The following TRIO variants were observed in gnomAD, a reference collection of about 807,000 sequenced individuals.
The protein encoded by TRIO is triple functional domain protein.
TRIO carries 58 observed loss-of-function variants against 351.9 expected under a neutral mutation model. That is an observed-to-expected ratio of 0.16 (90% confidence interval 0.13 to 0.21). The LOEUF (loss-of-function observed/expected upper bound fraction) is 0.21, where lower values mean the gene tolerates loss of function less well. TRIO is among the 10% of genes least tolerant of loss of function. TRIO has a pLI of 1.00. For synonymous variants in TRIO, 1,758 were observed against 1,595.7 expected (o/e 1.10, Z -2.42); for missense variants, 3,201 against 4,027.8 (o/e 0.79, Z 5.56).
At chr5:14,488,866 G>A (rs1002407477) in intron 48 of TRIO, 9 of 722,898 alleles carry the variant, frequency 1.2e-5, no homozygotes, top group East Asian at 2.6e-5. Context: ...GGCACCTGGC[G>A]AGGCGGCTCT....
At chr5:14,487,096 G>A (rs1755970380) in intron 47 of TRIO, among the ~76,000 whole-genome samples, 1 of 152,098 alleles carries the variant, frequency 6.6e-6, no homozygotes, top group African/African-American at 2.4e-5. Flanking sequence ...CTATGAAACC[G>A]CCTCCACGGC....
intron 1 of TRIO, among the ~76,000 whole-genome samples, chr5:14,157,428 T>TCTCTCCCTGTCTCC (rs1788165500): frequency 7.0e-6 from 1 of 142,868 alleles, no homozygotes; most frequent in African/African-American, 2.6e-5. Context: ...TGTCTCCCTC[T>TCTCTCCCTGTCTCC]CTCTCCCTGT....
chr5:14,145,238 G>T (rs964754845), intron 1 of TRIO, among the ~76,000 whole-genome samples: 2 of 152,234 alleles, frequency 1.3e-5, no homozygotes, highest in Non-Finnish European at 2.9e-5. Flanking sequence ...GCAGCGGGAG[G>T]GCGATGGTGA....
chr5:14,399,491 G>A (rs1180612744), intron 30 of TRIO: 1 of 201,288 alleles, frequency 5.0e-6, no homozygotes, highest in Non-Finnish European at 9.9e-6. Context: ...AAAAATAAAT[G>A]TATGAAATAT....
intron 1 of TRIO, among the ~76,000 whole-genome samples, chr5:14,176,402 G>A (rs1029682975): frequency 1.1e-4 from 17 of 152,074 alleles, no homozygotes; most frequent in Non-Finnish European, 2.2e-4. Context: ...CCCGGGAGGC[G>A]GAGCTTACAG....
At chr5:14,199,215 A>AC (rs1346924465) in intron 1 of TRIO, among the ~76,000 whole-genome samples, 2 of 149,380 alleles carry the variant, frequency 1.3e-5, no homozygotes, top group Non-Finnish European at 2.9e-5. Flanking sequence ...AAAAAAAAAA[A>AC]AAAACCTCCC....
chr5:14,270,825 G>C lies in TRIO; in HGVS notation c.158G>C (p.Gly53Ala), dbSNP rs1287870854. ...LADIAAFFRS[G>A]FRKNDEMKAM... is the part of the protein sequence containing the mutation. ...TTTATTTTCTCCTTCTGTATTTCAG[G>C]GTTTCGAAAAAACGATGAAATGAAA... is the stretch of plus-strand genomic sequence containing the variant. Residue 53 changes from glycine (G) to alanine (A), a missense_variant and splice_region_variant, in exon 2 of 57, where the codon GGG becomes GCG. Gly to Ala is a moderately conservative substitution (Grantham distance 60). Transcript: ENST00000344204. The C allele has an allele frequency of 5.6e-6, 9 of 1,613,192 alleles. No individual in the cohort carries two copies. The African/African-American group carries it at 1.2e-4, about 22-fold the overall frequency.
At chr5:14,462,705 G>C in intron 35 of TRIO, 50 bp from the exon 36 acceptor site, 1 of 1,606,740 alleles carries the variant, frequency 6.2e-7, no homozygotes, top group Non-Finnish European at 8.5e-7. Flanking sequence ...CTTGGTCCAC[G>C]TCTGTGAACT....
At position 14,508,241 on chromosome 5, in the gene TRIO, G is replaced by A. The variant is rs773355648; in HGVS notation, c.9113G>A (p.Arg3038His). 10 of 1,614,062 alleles carry A rather than the reference G, an allele frequency of 6.2e-6. No homozygotes were observed. The highest frequency in any genetic ancestry group is 8.5e-6 in the Non-Finnish European group (10 of 1,180,042). The change falls in exon 57 of 57, where the codon CGT becomes CAT. Residue 3038 changes from arginine (R) to histidine (H), a missense_variant. Physicochemically the swap from Arg to His is conservative, Grantham distance 29 (BLOSUM62 0). Around this residue, in one of 19 missense-constraint regions of TRIO, gnomAD observed 233 missense variants for 292.6 expected, o/e 0.80. Coordinates refer to ENST00000344204, the MANE Select transcript of TRIO (RefSeq NM_007118.4). The stretch of plus-strand genomic sequence containing the variant: ...CTCCTGCAGGAGGACCCCGCCAAGC[G>A]TCCCTCGGCTGCGCTGGCCCTCCAG... ...CFLLQEDPAK[R>H]PSAALALQEQ...
chr5:14,281,629 G>A (rs1036327689), intron 3 of TRIO, among the ~76,000 whole-genome samples: 2 of 152,160 alleles, frequency 1.3e-5, no homozygotes, highest in Non-Finnish European at 2.9e-5. Flanking sequence ...TGGAATAGGA[G>A]ATTTGGTGTG....
intron 6 of TRIO, among the ~76,000 whole-genome samples, chr5:14,295,569 C>T (rs556277558): frequency 6.6e-6 from 1 of 152,206 alleles, no homozygotes; most frequent in Non-Finnish European, 1.5e-5. Flanking sequence ...TCTCCAGATC[C>T]TAACAGAGTG....
At chr5:14,312,237 G>T (rs1312710212) in intron 8 of TRIO, among the ~76,000 whole-genome samples, 1 of 152,146 alleles carries the variant, frequency 6.6e-6, no homozygotes, top group African/African-American at 2.4e-5. Context: ...ACAAGTCTAT[G>T]TGCAGTTCTG....
chr5:14,218,153 T>A (rs1193190514), intron 1 of TRIO, among the ~76,000 whole-genome samples: 1 of 152,218 alleles, frequency 6.6e-6, no homozygotes, highest in African/African-American at 2.4e-5. Flanking sequence ...CACAAGGGCA[T>A]GTTTTCATCT....
chr5:14,277,240 A>AT (rs1411116747), intron 2 of TRIO, among the ~76,000 whole-genome samples: 1 of 152,266 alleles, frequency 6.6e-6, no homozygotes, highest in Non-Finnish European at 1.5e-5. Flanking sequence ...AGAAGGTAAG[A>AT]AGTGCCTTAG....
At chr5:14,274,775 T>A (rs906577384) in intron 2 of TRIO, among the ~76,000 whole-genome samples, 4 of 152,196 alleles carry the variant, frequency 2.6e-5, no homozygotes, top group African/African-American at 9.6e-5. Flanking sequence ...ATATATGATG[T>A]TTTGATTCAT....
In TRIO at chr5:14,474,050, C is replaced by G; in HGVS notation, c.6036C>G (p.Asp2012Glu). The part of the protein sequence containing the change: ...DGVPDDMKGK[D>E]KIVFGNIHQI... Reference sequence around the variant, plus strand: ...TTCCTGATGACATGAAAGGAAAAGACAAAATTGTGTTCGGCAACATCCATC... The same window carrying G: ...TTCCTGATGACATGAAAGGAAAAGAGAAAATTGTGTTCGGCAACATCCATC... Residue 2012 changes from aspartate to glutamate, a missense_variant, in exon 40 of 57, where the codon GAC becomes GAG. This residue lies in a region of TRIO where 307 missense variants were observed against 396.5 expected (regional missense o/e 0.77). Coordinates refer to ENST00000344204, the MANE Select transcript of TRIO (RefSeq NM_007118.4). The G allele has an allele frequency of 6.2e-7, 1 of 1,613,246 alleles. No individual in the cohort carries two copies. The highest frequency in any genetic ancestry group is 8.5e-7 in the Non-Finnish European group (1 of 1,179,338).
chr5:14,307,576 C>G (rs1233460815), intron 8 of TRIO, among the ~76,000 whole-genome samples: 2 of 152,226 alleles, frequency 1.3e-5, no homozygotes, highest in African/African-American at 4.8e-5. Context: ...ACAGAGGATA[C>G]TGACCTCTCC....
intron 11 of TRIO, among the ~76,000 whole-genome samples, chr5:14,349,353 C>A (rs1579394990): frequency 6.6e-6 from 1 of 151,952 alleles, no homozygotes; most frequent in East Asian, 1.9e-4. Flanking sequence ...GTTTTTCCTG[C>A]ATATGTGTGC....
chr5:14,369,623 C>G, intron 18 of TRIO, 100 bp downstream of exon 18: 1 of 1,401,294 alleles, frequency 7.1e-7, no homozygotes, highest in South Asian at 1.6e-5. Flanking sequence ...TGCCCCACAC[C>G]TCTTGCCTGC....
Sources: gnomAD v4.1 joint callset for allele counts (sites outside exome capture counted in the v4.1 genomes callset) on GRCh38, gnomAD v4.1.1 for gene constraint, gnomAD v4.1.1 regional missense constraint, MANE v1.5 for transcripts, NCBI Gene and HGNC (gene_info 2026-07-23, HGNC 2026-07-21) for gene names.